The following IQCM variants were observed in gnomAD, a reference collection of about 807,000 sequenced individuals.
The protein encoded by IQCM is IQ motif containing M, also known as IQ domain-containing protein M.
In IQCM, 45 loss-of-function variants were observed where a neutral mutation model predicts 57.6. The ratio of observed to expected loss-of-function variants is 0.78; its 90% confidence interval spans 0.62 to 1.00. The LOEUF (loss-of-function observed/expected upper bound fraction) is 1.00. Ranked by LOEUF, IQCM falls within the 50% of genes least tolerant of loss-of-function variation. The pLI is 0.00. For missense variants in IQCM, 468 were observed against 511.6 expected (o/e 0.91, Z 0.82); for synonymous variants, 148 against 158.9 (o/e 0.93, Z 0.51).
At chr4:149,454,031 T>C (rs537111355) in intron 12 of IQCM, among the ~76,000 whole-genome samples, 7 of 151,482 alleles carry the variant, frequency 4.6e-5, no homozygotes, top group Non-Finnish European at 8.8e-5. Flanking sequence ...AAAATGTTCA[T>C]CAATTGATGA....
intron 13 of IQCM, among the ~76,000 whole-genome samples, chr4:149,374,530 C>T (rs1254394874): frequency 1.3e-5 from 2 of 152,096 alleles, no homozygotes; most frequent in Non-Finnish European, 2.9e-5. Context: ...ACCATTTTGA[C>T]AGCCAAGCCT....
At position 149,767,864 on chromosome 4, in the gene IQCM, A is replaced by T. The variant is rs192684152; in HGVS notation, c.-48-25125T>A. Among the ~76,000 whole-genome samples the T allele has an allele frequency of 1.8e-3, 268 of 152,300 alleles. 1 individual carries two copies. The highest frequency in any genetic ancestry group is 2.8e-3 in the Non-Finnish European group (193 of 67,990). ...ATACAAAGAGAATAAATACGACTGT[A>T]GAGGAACTATAGACACATTTTTAAG... On this transcript the variant is annotated intron_variant, in intron 2 of 13. Coordinates refer to ENST00000636793, the MANE Select transcript of IQCM (RefSeq NM_001363507.2).
chr4:149,778,320 G>C lies in IQCM; in HGVS notation c.-48-35581C>G, dbSNP rs191513192. 3.3e-4 allele frequency among the ~76,000 whole-genome samples: 50 copies of C among 152,168 alleles called. No homozygotes were observed. In the East Asian group the frequency reaches 9.5e-3, roughly 29 times the overall value. ...GAACCTGGGAGGCGGAGGTTGCAGT[G>C]AGCGGAGATGGCGCCACTGCACTCC... On this transcript the variant is annotated intron_variant, in intron 2 of 13. Transcript: ENST00000636793.
At chr4:149,661,835 TTC>T (rs1446067489) in intron 7 of IQCM, among the ~76,000 whole-genome samples, 1 of 152,128 alleles carries the variant, frequency 6.6e-6, no homozygotes, top group Non-Finnish European at 1.5e-5. Flanking sequence ...TAGTTGAGTC[TTC>T]TCTGTCTTAG....
chr4:149,693,475 TC>T (rs1470867904), intron 5 of IQCM, among the ~76,000 whole-genome samples: 2 of 152,100 alleles, frequency 1.3e-5, no homozygotes, highest in African/African-American at 4.8e-5. Flanking sequence ...TCTCCCTCAA[TC>T]CCCTAATAGA....
At chr4:149,763,256 A>G (rs1229681061) in intron 2 of IQCM, among the ~76,000 whole-genome samples, 1 of 152,092 alleles carries the variant, frequency 6.6e-6, no homozygotes, top group Admixed American at 6.6e-5. Flanking sequence ...AAACAAAAAA[A>G]GCCTAGTTTG....
chr4:149,368,840 A>T lies in IQCM; in HGVS notation c.1391-16774T>A, dbSNP rs1281889238. Among the ~76,000 whole-genome samples the T allele has an allele frequency of 1.2e-4, 10 of 81,592 alleles. 1 individual carries two copies. The highest frequency in any genetic ancestry group is 9.7e-5 in the Non-Finnish European group (4 of 41,030). The allele number at this position is 81,592 out of a possible 152,430, so 53.5% of individuals were successfully genotyped here. Reference sequence around the variant, plus strand: ...TATACATATATATACATGTATATATATACATATATATACATGTATATATAT... The same window carrying T: ...TATACATATATATACATGTATATATTTACATATATATACATGTATATATAT... On this transcript the variant is annotated intron_variant, in intron 13 of 13. Coordinates refer to ENST00000636793, the MANE Select transcript of IQCM (RefSeq NM_001363507.2).
At chr4:149,752,280 G>A (rs1768522943) in intron 2 of IQCM, among the ~76,000 whole-genome samples, 1 of 152,118 alleles carries the variant, frequency 6.6e-6, no homozygotes, top group Non-Finnish European at 1.5e-5. Flanking sequence ...GCCAGGCACG[G>A]GTGGCTCACG....
chr4:149,810,345 G>A (rs190824067), intron 2 of IQCM, among the ~76,000 whole-genome samples: 91 of 132,622 alleles, frequency 6.9e-4, no homozygotes, highest in Middle Eastern at 4.4e-3. Flanking sequence ...CTGGATGACC[G>A]AGCAAGACAC....
intron 8 of IQCM, among the ~76,000 whole-genome samples, chr4:149,616,244 T>A (rs146957529): frequency 6.6e-6 from 1 of 152,134 alleles, no homozygotes; most frequent in African/African-American, 2.4e-5. Flanking sequence ...AGTATATACA[T>A]ACAATGGAAT....
At chr4:149,365,359 T>A (rs1729758543) in intron 13 of IQCM, among the ~76,000 whole-genome samples, 1 of 152,084 alleles carries the variant, frequency 6.6e-6, no homozygotes, top group Non-Finnish European at 1.5e-5. Flanking sequence ...GAATTCAAAC[T>A]ATAAAAGAAA....
chr4:149,495,310 A>G (rs141228301), intron 12 of IQCM, among the ~76,000 whole-genome samples: 8 of 152,262 alleles, frequency 5.3e-5, no homozygotes, highest in African/African-American at 1.4e-4. Context: ...GCTACCACGT[A>G]AGATATATTA....
chr4:149,684,677 A>C (rs1316896072), intron 6 of IQCM, among the ~76,000 whole-genome samples: 1 of 151,370 alleles, frequency 6.6e-6, no homozygotes, highest in African/African-American at 2.4e-5. Flanking sequence ...CTCGATTTCA[A>C]AAAAAATTTT....
intron 5 of IQCM, among the ~76,000 whole-genome samples, chr4:149,731,523 T>A (rs1291357533): frequency 6.6e-6 from 1 of 152,222 alleles, no homozygotes; most frequent in Non-Finnish European, 1.5e-5. Context: ...GTCTCTAAAT[T>A]TCTACCCCAT....
At chr4:149,497,238 G>A (rs181805104) in intron 12 of IQCM, among the ~76,000 whole-genome samples, 112 of 152,174 alleles carry the variant, frequency 7.4e-4, no homozygotes, top group African/African-American at 2.5e-3. Flanking sequence ...GGGAAGGACT[G>A]GGCCTAAGAA....
intron 13 of IQCM, among the ~76,000 whole-genome samples, chr4:149,370,679 A>G (rs762989276): frequency 6.6e-6 from 1 of 152,082 alleles, no homozygotes; most frequent in Non-Finnish European, 1.5e-5. Context: ...CCTCTCTTCC[A>G]GTGAACTGAC....
intron 13 of IQCM, among the ~76,000 whole-genome samples, chr4:149,368,273 A>G (rs1399492087): frequency 1.3e-5 from 2 of 151,906 alleles, no homozygotes; most frequent in Non-Finnish European, 2.9e-5. Flanking sequence ...TACTTCTTTT[A>G]GTATTTAGAG....
chr4:149,588,345 C>T (rs1335099296), intron 8 of IQCM, among the ~76,000 whole-genome samples: 2 of 151,516 alleles, frequency 1.3e-5, no homozygotes, highest in African/African-American at 4.8e-5. Flanking sequence ...AGTACATATG[C>T]AAAAGGGAAA....
At chr4:149,410,932 C>T (rs958290891) in intron 13 of IQCM, among the ~76,000 whole-genome samples, 2 of 151,946 alleles carry the variant, frequency 1.3e-5, no homozygotes, top group Admixed American at 6.6e-5. Context: ...TTGTGGTGAA[C>T]AAATGAGCAA....
Sources: allele counts gnomAD v4.1 joint callset (sites outside exome capture counted in the v4.1 genomes callset), GRCh38; gene constraint gnomAD v4.1.1; transcripts MANE v1.5; gene names NCBI Gene and HGNC (gene_info 2026-07-23, HGNC 2026-07-21).